Variants in SLC24A5 observed in about 807,000 individuals in gnomAD.
SLC24A5 encodes the protein solute carrier family 24 member 5.
A neutral mutation model predicts 51.6 loss-of-function variants in SLC24A5; 46 were observed. The observed-to-expected ratio is 0.89, with a 90% CI of 0.70 to 1.14. The LOEUF is 1.14. SLC24A5 is among the 50% of genes most tolerant of loss of function. The pLI is 0.00. For synonymous variants in SLC24A5, 230 were observed against 214.9 expected (o/e 1.07, Z -0.62); for missense variants, 581 against 604.1 (o/e 0.96, Z 0.40).
In SLC24A5 at chr15:48,130,917, C is replaced by A. The variant is rs566521651; in HGVS notation, c.302-3341C>A. On this transcript the variant is annotated intron_variant, in intron 2 of 8. Transcript: ENST00000341459. Reference sequence around the variant, plus strand: ...GGTTTCTGTGGTAAAATAAAAACAGCATTGGGCTTAGAATCAACAGGCTCA... The same window carrying A: ...GGTTTCTGTGGTAAAATAAAAACAGAATTGGGCTTAGAATCAACAGGCTCA... 3.3e-5 allele frequency among the ~76,000 whole-genome samples: 5 copies of A among 152,220 alleles called. No individual in the cohort carries two copies. In the South Asian group the frequency reaches 8.3e-4, roughly 25 times the overall value.
intron 2 of SLC24A5, among the ~76,000 whole-genome samples, chr15:48,130,741 C>T (rs752858800): frequency 8.5e-5 from 13 of 152,084 alleles, no homozygotes; most frequent in Non-Finnish European, 1.8e-4. Context: ...TGCCGGAAAA[C>T]TTCCAAAGTA....
At chr15:48,121,232 GA>G in intron 1 of SLC24A5, 67 bp downstream of exon 1, 2 of 1,501,972 alleles carry the variant, frequency 1.3e-6, no homozygotes, top group Non-Finnish European at 1.8e-6. Context: ...ACATACAGAT[GA>G]AGGGACAAAA....
chr15:48,129,123 G>GTC (rs2038762555), intron 2 of SLC24A5, among the ~76,000 whole-genome samples: 1 of 152,068 alleles, frequency 6.6e-6, no homozygotes, highest in African/African-American at 2.4e-5. Flanking sequence ...GATAGGGAGA[G>GTC]TCTTTTTCGG....
In SLC24A5 at chr15:48,121,871, T is replaced by C. The variant is rs531883455; in HGVS notation, c.136T>C (p.Cys46Arg). The change falls in exon 2 of 9, where the codon TGT (cysteine) becomes CGT (arginine). Residue 46 changes from cysteine (C) to arginine (R), a missense_variant. Coordinates refer to ENST00000341459, the MANE Select transcript of SLC24A5 (RefSeq NM_205850.3). ...LPRATGNSTQ[C>R]VISPSSEFPE... is the part of the protein sequence containing the mutation. ...TTCCTTAACAGGAAATAGCACCCAA[T>C]GTGTTATTTCTCCATCATCGGAGTT... 3.1e-6 allele frequency: 5 copies of C among 1,614,122 alleles called. No individual in the cohort carries two copies. In the South Asian group the frequency reaches 4.4e-5, roughly 14 times the overall value.
chr15:48,139,505 G>A, intron 7 of SLC24A5: 1 of 165,798 alleles, frequency 6.0e-6, no homozygotes, highest in Non-Finnish European at 1.3e-5. Flanking sequence ...TCTTTATATT[G>A]AATTCCATTC....
Position 48,132,061 on chromosome 15 carries a change from C to G in SLC24A5, c.302-2197C>G, listed in dbSNP as rs543895868. ...AAGCCAAAGTCCTTATTAGGATCCA[C>G]AAGACCTTACATGATCTGCCTATTA... On this transcript the variant is annotated intron_variant, in intron 2 of 8. Coordinates refer to ENST00000341459, the MANE Select transcript of SLC24A5 (RefSeq NM_205850.3). Among the ~76,000 whole-genome samples, 10 of 152,260 alleles carry G rather than the reference C, an allele frequency of 6.6e-5. No homozygotes were observed. In the South Asian group the frequency reaches 1.9e-3, roughly 28 times the overall value.
rs2039126348 is a variant in SLC24A5 at position 48,142,477 on chromosome 15, A to C, written c.*126A>C. On this transcript the variant is annotated 3_prime_UTR_variant, in exon 9 of 9. Coordinates refer to ENST00000341459, the MANE Select transcript of SLC24A5 (RefSeq NM_205850.3). The stretch of plus-strand genomic sequence containing the variant: ...AGAATCTAAAACTTACAGTAATTTA[A>C]AACCAACCAAAATCACATCCTAATT... 5 of 691,984 alleles carry C rather than the reference A, an allele frequency of 7.2e-6. No individual in the cohort carries two copies. The highest frequency in any genetic ancestry group is 1.1e-5 in the Non-Finnish European group (5 of 460,796). The allele number at this position is 691,984 out of a possible 1,614,324, so 42.9% of individuals were successfully genotyped here.
chr15:48,122,074 G>A (rs1265184667), intron 2 of SLC24A5, 38 bp downstream of exon 2: 2 of 1,596,828 alleles, frequency 1.3e-6, no homozygotes, highest in Admixed American at 1.7e-5. Flanking sequence ...CCTTCTGGGA[G>A]AGTGTGCCAC....
chr15:48,128,273 TTAAAA>T (rs1371886517), intron 2 of SLC24A5, among the ~76,000 whole-genome samples: 1 of 151,988 alleles, frequency 6.6e-6, no homozygotes, highest in African/African-American at 2.4e-5. Context: ...CTATGAAACT[TTAAAA>T]AAAAATTTAC....
chr15:48,138,949 G>C lies in SLC24A5; in HGVS notation c.872-20G>C. ...TAGCCATTTGAGAAAACTCAAAAGT[G>C]TTTACTTTTTCCACAACAGATCCAC... is the stretch of plus-strand genomic sequence containing the variant. On this transcript the variant is annotated intron_variant, in intron 6 of 8. Coordinates refer to ENST00000341459, the MANE Select transcript of SLC24A5 (RefSeq NM_205850.3). 2 of 1,584,054 alleles carry C rather than the reference G, an allele frequency of 1.3e-6. No individual in the cohort carries two copies. The highest frequency in any genetic ancestry group is 1.7e-6 in the Non-Finnish European group (2 of 1,161,652).
chr15:48,135,080 A>G, intron 5 of SLC24A5, 96 bp downstream of exon 5: 10 of 866,696 alleles, frequency 1.2e-5, no homozygotes, highest in Non-Finnish European at 1.9e-5. Flanking sequence ...TCAGTCACTT[A>G]ATCTGCCACT....
intron 4 of SLC24A5, 64 bp downstream of exon 4, chr15:48,134,602 C>T (rs2038851123): frequency 1.8e-5 from 24 of 1,310,778 alleles, no homozygotes; most frequent in South Asian, 1.2e-4. Flanking sequence ...AACTGTTCGT[C>T]GTCTGGGATG....
intron 2 of SLC24A5, chr15:48,123,430 G>T (rs1322013456): frequency 6.6e-6 from 1 of 151,810 alleles, no homozygotes; most frequent in Non-Finnish European, 1.5e-5. Context: ...TACAGTTTGG[G>T]ATCTTTCCTT....
intron 1 of SLC24A5, among the ~76,000 whole-genome samples, chr15:48,121,413 G>A (rs2038677659): frequency 6.6e-6 from 1 of 152,078 alleles, no homozygotes; most frequent in African/African-American, 2.4e-5. Context: ...AGACTTTTTG[G>A]TGAAAACAAA....
At position 48,142,489 on chromosome 15, in the gene SLC24A5, A is replaced by G. The variant is rs1597279828; in HGVS notation, c.*138A>G. On this transcript the variant is annotated 3_prime_UTR_variant, in exon 9 of 9. Coordinates refer to ENST00000341459, the MANE Select transcript of SLC24A5 (RefSeq NM_205850.3). ...TTACAGTAATTTAAAACCAACCAAA[A>G]TCACATCCTAATTTTTCTGAGCCCT... 8.1e-6 allele frequency: 5 copies of G among 617,998 alleles called. No individual in the cohort carries two copies. In the East Asian group the frequency reaches 1.5e-4, roughly 19 times the overall value. 38.3% of individuals were successfully genotyped at this position (617,998 alleles called of 1,614,324 possible). A position where few individuals can be genotyped will look rare whatever the true frequency, so the allele number is the denominator to read the frequency against.
chr15:48,121,419 A>G (rs1345597003), intron 1 of SLC24A5, among the ~76,000 whole-genome samples: 2 of 152,214 alleles, frequency 1.3e-5, no homozygotes, highest in East Asian at 3.8e-4. Flanking sequence ...TTTGGTGAAA[A>G]CAAAAAATCT....
chr15:48,134,672 G>A (rs2038852547), intron 4 of SLC24A5, 134 bp downstream of exon 4: 1 of 736,418 alleles, frequency 1.4e-6, no homozygotes, highest in Admixed American at 2.8e-5. Flanking sequence ...AAAACAACAT[G>A]TATTCAATTT....
chr15:48,133,300 AT>A (rs2038815702), intron 2 of SLC24A5, among the ~76,000 whole-genome samples: 1 of 152,172 alleles, frequency 6.6e-6, no homozygotes, highest in Admixed American at 6.5e-5. Context: ...TGCTACCTCT[AT>A]TAGCTAGTTT....
intron 2 of SLC24A5, chr15:48,124,417 T>A (rs2038710680): frequency 6.6e-6 from 1 of 152,100 alleles, no homozygotes; most frequent in Non-Finnish European, 1.5e-5. Context: ...CTTATGCCAA[T>A]ACTGCACTTT....
Sources: allele counts gnomAD v4.1 joint callset (sites outside exome capture counted in the v4.1 genomes callset), GRCh38; gene constraint gnomAD v4.1.1; transcripts MANE v1.5; gene names NCBI Gene and HGNC (gene_info 2026-07-23, HGNC 2026-07-21).